SKAP1: variants seen among roughly 807,000 people sequenced by gnomAD.
SKAP1 encodes the protein src kinase-associated phosphoprotein 1.
Under a neutral mutation model 58.5 loss-of-function variants are expected in SKAP1, and 44 were observed. The observed-to-expected ratio is 0.75, with a 90% CI of 0.59 to 0.97. SKAP1 has a LOEUF of 0.97. Ranked by LOEUF, SKAP1 falls within the 50% of genes least tolerant of loss-of-function variation. The pLI, the probability that SKAP1 is intolerant of heterozygous loss-of-function variation, is 0.00. For missense variants in SKAP1, 390 were observed against 435.2 expected, an observed-to-expected ratio of 0.90 and a Z score of 0.92; for synonymous variants, 127 against 149.7, an observed-to-expected ratio of 0.85 and a Z score of 1.11.
intron 11 of SKAP1, among the ~76,000 whole-genome samples, chr17:48,153,125 TATAG>T (rs1175208865): frequency 6.6e-5 from 10 of 152,276 alleles, no homozygotes; most frequent in African/African-American, 1.9e-4. Context: ...TTAGACTATT[TATAG>T]ATAGATAGAA....
chr17:48,307,260 T>C (rs2066155316), intron 4 of SKAP1: 1 of 152,252 alleles, frequency 6.6e-6, no homozygotes, highest in Non-Finnish European at 1.5e-5. Flanking sequence ...GGTAGAACTA[T>C]TCCAAGATTA....
At chr17:48,439,116 T>C in the SKAP1 span, among the ~76,000 whole-genome samples, 1 of 152,262 alleles carries the variant, frequency 6.6e-6, no homozygotes, top group African/African-American at 2.4e-5. Flanking sequence ...AGGGAATGGC[T>C]GTAAATTCCT....
intron 4 of SKAP1, among the ~76,000 whole-genome samples, chr17:48,192,807 A>T (rs1215360270): frequency 6.6e-6 from 1 of 152,212 alleles, no homozygotes; most frequent in Admixed American, 6.5e-5. Flanking sequence ...ACAAAGACAT[A>T]ATACAGCAGA....
At chr17:48,399,642 C>T (rs1462916735) in intron 1 of SKAP1, among the ~76,000 whole-genome samples, 3 of 151,866 alleles carry the variant, frequency 2.0e-5, no homozygotes, top group African/African-American at 7.3e-5. Flanking sequence ...TGGTGCATGC[C>T]TGTAGTCCTA....
Position 48,295,755 on chromosome 17 carries a change from T to C in SKAP1, c.280+50150A>G, listed in dbSNP as rs963131305. On this transcript the variant is annotated intron_variant, in intron 4 of 12. Transcript: ENST00000336915. ...TTCATACGTAATTCCTTTAATTTCCTGTCTGAGATCCACCTGTAGAATTAT... is the reference window on the plus strand; with the variant it reads ...TTCATACGTAATTCCTTTAATTTCCCGTCTGAGATCCACCTGTAGAATTAT... 2.6e-5 allele frequency: 4 copies of C among 152,182 alleles called. No individual in the cohort carries two copies. In the East Asian group the frequency reaches 7.7e-4, roughly 29 times the overall value. The allele number at this position is 152,182 out of a possible 1,614,324, so 9.4% of individuals were successfully genotyped here.
chr17:48,329,786 G>A (rs1186956955), intron 4 of SKAP1, among the ~76,000 whole-genome samples: 1 of 152,088 alleles, frequency 6.6e-6, no homozygotes, highest in Non-Finnish European at 1.5e-5. Flanking sequence ...AATAATATGG[G>A]TTTTGGAACT....
intron 2 of SKAP1, among the ~76,000 whole-genome samples, chr17:48,377,051 T>C (rs1169973007): frequency 1.3e-5 from 2 of 152,058 alleles, no homozygotes; most frequent in Non-Finnish European, 2.9e-5. Context: ...AGCAGTTATG[T>C]TGAGTAAGGG....
chr17:48,295,532 C>A (rs1013906965), intron 4 of SKAP1: 11 of 151,464 alleles, frequency 7.3e-5, no homozygotes, highest in African/African-American at 2.7e-4. Context: ...ATAAGCTTGC[C>A]GTTTTTCACC....
At chr17:48,143,294 G>A (rs759092533) in intron 11 of SKAP1, among the ~76,000 whole-genome samples, 2 of 149,004 alleles carry the variant, frequency 1.3e-5, no homozygotes, top group East Asian at 2.0e-4. Flanking sequence ...TCCTGGGCTC[G>A]AGATTCTCCT....
chr17:48,325,637 T>A (rs896426626), intron 4 of SKAP1, among the ~76,000 whole-genome samples: 1 of 152,188 alleles, frequency 6.6e-6, no homozygotes, highest in African/African-American at 2.4e-5. Flanking sequence ...TTTTAAAAAA[T>A]TTTAGATTTT....
At chr17:48,251,871 G>C (rs1421367463) in intron 4 of SKAP1, among the ~76,000 whole-genome samples, 2 of 152,152 alleles carry the variant, frequency 1.3e-5, no homozygotes, top group African/African-American at 2.4e-5. Flanking sequence ...AATATGCATA[G>C]AACTACGTAA....
intron 4 of SKAP1, among the ~76,000 whole-genome samples, chr17:48,343,716 T>C (rs1159589133): frequency 6.6e-6 from 1 of 152,232 alleles, no homozygotes; most frequent in Non-Finnish European, 1.5e-5. Context: ...ATGAAAATAT[T>C]TTTAAGCATA....
intron 4 of SKAP1, among the ~76,000 whole-genome samples, chr17:48,217,690 T>C (rs1341606242): frequency 6.6e-6 from 1 of 152,000 alleles, no homozygotes; most frequent in Admixed American, 6.6e-5. Flanking sequence ...AAAAATTATA[T>C]GGAGTCCACT....
chr17:48,213,635 T>A (rs1037230166), intron 4 of SKAP1, among the ~76,000 whole-genome samples: 2 of 152,184 alleles, frequency 1.3e-5, no homozygotes, highest in Non-Finnish European at 2.9e-5. Context: ...CTTGCTGATC[T>A]GGGTCACCAC....
rs1222821719 is a variant in SKAP1, at chr17:48,430,200, C to A, written c.-80G>T. 8.6e-7 allele frequency: 1 copy of A among 1,157,458 alleles called. No homozygotes were observed. Among genetic ancestry groups the A allele is most frequent in the African/African-American group, 1.6e-5 (1 of 62,276 alleles). The allele number at this position is 1,157,458 out of a possible 1,614,324, so 71.7% of individuals were successfully genotyped here. On this transcript the variant is annotated 5_prime_UTR_variant, in exon 1 of 13. Transcript: ENST00000336915. ...CGGGCTGGAAGGCGACCCGGCTGCA[C>A]CGCGAGGCACCTGTACCTCAGCCGC...
Position 48,180,195 on chromosome 17 carries a change from C to A in SKAP1, c.685G>T (p.Glu229Ter). Residue 229 changes from glutamate (E) to a stop codon, truncating the protein, a stop_gained, in exon 9 of 13, where the codon GAA (glutamate) becomes TAA (stop). Transcript: ENST00000336915. LOFTEE classifies it high-confidence loss of function. Reference sequence around the variant, plus strand: ...CCATCAATATCATCATATGTCTCTTCTTTTTCTTCTTCCTCCTCATCCTCT... The same window carrying A: ...CCATCAATATCATCATATGTCTCTTATTTTTCTTCTTCCTCCTCATCCTCT... The part of the protein sequence containing the change: ...YEEDEEEEEK[E>*]ETYDDIDGFD... The A allele has an allele frequency of 6.2e-7, 1 of 1,612,326 alleles. No individual in the cohort carries two copies. Among genetic ancestry groups the A allele is most frequent in the Non-Finnish European group, 8.5e-7 (1 of 1,179,104 alleles).
At chr17:48,174,941 T>C (rs2064269365) in intron 9 of SKAP1, among the ~76,000 whole-genome samples, 1 of 152,210 alleles carries the variant, frequency 6.6e-6, no homozygotes, top group Non-Finnish European at 1.5e-5. Flanking sequence ...GGGAAAACAG[T>C]TGAAGAAGAT....
At chr17:48,174,075 G>T (rs1003816863) in intron 9 of SKAP1, among the ~76,000 whole-genome samples, 3 of 152,090 alleles carry the variant, frequency 2.0e-5, no homozygotes, top group African/African-American at 7.2e-5. Context: ...TGGAACAATA[G>T]AAATGTGTTC....
At chr17:48,144,610 TTATTAAAC>T (rs1253017031) in intron 11 of SKAP1, among the ~76,000 whole-genome samples, 2 of 152,248 alleles carry the variant, frequency 1.3e-5, no homozygotes, top group African/African-American at 4.8e-5. Flanking sequence ...ATGCTAATTT[TTATTAAAC>T]TATTAAAATG....
Sources: allele counts gnomAD v4.1 joint callset (sites outside exome capture counted in the v4.1 genomes callset), GRCh38; gene constraint gnomAD v4.1.1; transcripts MANE v1.5; gene names NCBI Gene and HGNC (gene_info 2026-07-23, HGNC 2026-07-21).